Variants in AFG2A observed in about 807,000 individuals in gnomAD.
AFG2A encodes ATPase family gene 2 protein homolog A.
the AFG2A span, among the ~76,000 whole-genome samples, chr4:123,060,705 G>A: frequency 1.8e-4 from 28 of 152,106 alleles, no homozygotes; most frequent in Non-Finnish European, 2.5e-4. Flanking sequence ...TGCAGGGAAG[G>A]TCTCTGATCT....
At chr4:123,082,102 G>A in the AFG2A span, among the ~76,000 whole-genome samples, 119 of 152,122 alleles carry the variant, frequency 7.8e-4, 1 homozygote, top group African/African-American at 2.7e-3. Flanking sequence ...TCTTGATGTC[G>A]TCTTTTACAG....
chr4:123,224,107 T>A, the AFG2A span, among the ~76,000 whole-genome samples: 1 of 152,212 alleles, frequency 6.6e-6, no homozygotes, highest in East Asian at 1.9e-4. Context: ...TGATGTAAGA[T>A]AAGGGTCCAA....
At chr4:123,127,562 A>C in the AFG2A span, among the ~76,000 whole-genome samples, 1 of 152,118 alleles carries the variant, frequency 6.6e-6, no homozygotes, top group African/African-American at 2.4e-5. Flanking sequence ...TTTTTTAATA[A>C]ATTTAAATAA....
the AFG2A span, among the ~76,000 whole-genome samples, chr4:123,007,606 G>GTA: frequency 3.7e-4 from 11 of 29,806 alleles, no homozygotes; most frequent in South Asian, 5.4e-3. Flanking sequence ...GTGTGTGTGT[G>GTA]TGTATATATA....
At chr4:123,308,134 C>T in the AFG2A span, among the ~76,000 whole-genome samples, 22 of 152,122 alleles carry the variant, frequency 1.4e-4, no homozygotes, top group South Asian at 4.2e-4. Flanking sequence ...ATTTTGATAC[C>T]GAAGAAAGCA....
chr4:123,055,622 G>T, the AFG2A span, among the ~76,000 whole-genome samples: 1 of 152,274 alleles, frequency 6.6e-6, no homozygotes, highest in South Asian at 2.1e-4. Context: ...GGAATTGGCT[G>T]GACCCGTGAT....
the AFG2A span, among the ~76,000 whole-genome samples, chr4:123,161,067 TC>T: frequency 6.6e-6 from 1 of 152,190 alleles, no homozygotes; most frequent in Non-Finnish European, 1.5e-5. Context: ...TGACTTTCTG[TC>T]TCAATTCTTG....
the AFG2A span, among the ~76,000 whole-genome samples, chr4:123,082,523 C>CT: frequency 0.45 from 63,471 of 140,186 alleles, 17,462 homozygotes; most frequent in Non-Finnish European, 0.61. Flanking sequence ...TCTCTTTTTT[C>CT]TTTTTTTTTT....
chr4:123,280,421 T>C, the AFG2A span, among the ~76,000 whole-genome samples: 1 of 152,328 alleles, frequency 6.6e-6, no homozygotes, highest in South Asian at 2.1e-4. Flanking sequence ...CAAATTGCCA[T>C]ACACATAGTA....
At chr4:123,304,737 G>T in the AFG2A span, among the ~76,000 whole-genome samples, 1 of 152,190 alleles carries the variant, frequency 6.6e-6, no homozygotes, top group African/African-American at 2.4e-5. Flanking sequence ...TCAGTGGAAG[G>T]CGTGCTTGCT....
the AFG2A span, among the ~76,000 whole-genome samples, chr4:123,207,521 C>T: frequency 5.3e-5 from 8 of 152,034 alleles, no homozygotes; most frequent in African/African-American, 1.2e-4. Flanking sequence ...AAATGAGTTT[C>T]GCCATGTTAC....
the AFG2A span, among the ~76,000 whole-genome samples, chr4:123,091,144 G>C: frequency 6.6e-6 from 1 of 152,184 alleles, no homozygotes; most frequent in South Asian, 2.1e-4. Flanking sequence ...TTTAGGGGAG[G>C]ACTGGAGTAG....
At chr4:122,986,132 A>C in the AFG2A span, among the ~76,000 whole-genome samples, 1 of 151,974 alleles carries the variant, frequency 6.6e-6, no homozygotes, top group Non-Finnish European at 1.5e-5. Context: ...TGGTGGTCTG[A>C]GAGAGTGCTT....
chr4:123,234,418 G>A, the AFG2A span, among the ~76,000 whole-genome samples: 1 of 152,034 alleles, frequency 6.6e-6, no homozygotes, highest in Admixed American at 6.6e-5. Flanking sequence ...AATTACCATA[G>A]TAAAGCACTT....
At chr4:122,948,386 A>G in the AFG2A span, among the ~76,000 whole-genome samples, 2 of 120,278 alleles carry the variant, frequency 1.7e-5, no homozygotes, top group African/African-American at 3.2e-5. Context: ...TCTCCAGAGT[A>G]TACACACACA....
the AFG2A span, among the ~76,000 whole-genome samples, chr4:123,203,604 GT>G: frequency 7.2e-5 from 11 of 152,194 alleles, no homozygotes; most frequent in African/African-American, 2.7e-4. Flanking sequence ...TTCCTGAGTA[GT>G]TACACTGCTT....
the AFG2A span, among the ~76,000 whole-genome samples, chr4:123,217,897 G>T: frequency 6.6e-6 from 1 of 152,122 alleles, no homozygotes; most frequent in Non-Finnish European, 1.5e-5. Context: ...AATATTCACT[G>T]CTGTGGCTGC....
the AFG2A span, among the ~76,000 whole-genome samples, chr4:122,996,513 A>T: frequency 1.3e-5 from 2 of 152,174 alleles, no homozygotes; most frequent in East Asian, 3.9e-4. Flanking sequence ...AGATGGGTGG[A>T]TGGATGGATG....
At chr4:123,036,713 G>A in the AFG2A span, among the ~76,000 whole-genome samples, 1 of 152,024 alleles carries the variant, frequency 6.6e-6, no homozygotes, top group African/African-American at 2.4e-5. Flanking sequence ...GAAGAAATGT[G>A]TCATTTTTCT....
Sources: allele counts gnomAD v4.1 joint callset (sites outside exome capture counted in the v4.1 genomes callset), GRCh38; gene constraint gnomAD v4.1.1; transcripts MANE v1.5; gene names NCBI Gene and HGNC (gene_info 2026-07-23, HGNC 2026-07-21).